Variants in HAT1 observed in about 807,000 individuals in gnomAD.
HAT1 encodes histone acetyltransferase type B catalytic subunit.
HAT1 carries 20 observed loss-of-function variants against 56.6 expected under a neutral mutation model. The observed-to-expected ratio is 0.35, with a 90% CI of 0.25 to 0.51. The LOEUF is 0.51. HAT1 is among the 20% of genes least tolerant of loss of function. The pLI is 0.95. For synonymous variants in HAT1, 146 were observed against 165.5 expected (o/e 0.88, Z 0.91); for missense variants, 408 against 504.3 (o/e 0.81, Z 1.83).
intron 2 of HAT1, among the ~76,000 whole-genome samples, chr2:171,944,810 T>C (rs761974597): frequency 7.2e-5 from 11 of 152,214 alleles, no homozygotes; most frequent in Non-Finnish European, 1.6e-4. Flanking sequence ...TGGTGATACT[T>C]TGGCATGCAG....
intron 2 of HAT1, among the ~76,000 whole-genome samples, chr2:171,940,448 T>C (rs1263257909): frequency 6.6e-6 from 1 of 152,158 alleles, no homozygotes; most frequent in African/African-American, 2.4e-5. Flanking sequence ...CGCGCCACCT[T>C]TTGAATTCGA....
chr2:171,946,161 G>A lies in HAT1; in HGVS notation c.113-547G>A, dbSNP rs1687157932. On this transcript the variant is annotated intron_variant, in intron 2 of 10. Coordinates refer to ENST00000264108, the MANE Select transcript of HAT1 (RefSeq NM_003642.4). Reference sequence around the variant, plus strand: ...CTCTCCCCCTAGTTTTCTGCTGCCAGGAATTTCCCCTGTGTATACTTATAA... The same window carrying A: ...CTCTCCCCCTAGTTTTCTGCTGCCAAGAATTTCCCCTGTGTATACTTATAA... Among the ~76,000 whole-genome samples, 3 of 152,140 alleles carry A rather than the reference G, an allele frequency of 2.0e-5. 1 individual carries two copies. The highest frequency in any genetic ancestry group is 1.3e-4 in the Admixed American group (2 of 15,270).
chr2:171,922,811 G>T, intron 1 of HAT1: 2 of 367,570 alleles, frequency 5.4e-6, no homozygotes, highest in Non-Finnish European at 9.7e-6. Flanking sequence ...ATGCCTTGGG[G>T]CCTGTTTCTC....
chr2:171,961,230 A>G (rs1687566795), intron 4 of HAT1, among the ~76,000 whole-genome samples: 1 of 152,158 alleles, frequency 6.6e-6, no homozygotes, highest in Admixed American at 6.6e-5. Context: ...TCTTGAGCCC[A>G]GGAGGTCAAG....
At chr2:171,929,239 T>C (rs1429957977) in intron 2 of HAT1, among the ~76,000 whole-genome samples, 1 of 152,226 alleles carries the variant, frequency 6.6e-6, no homozygotes, top group Non-Finnish European at 1.5e-5. Context: ...AGGATTGTTT[T>C]TTTAATGTGG....
intron 8 of HAT1, among the ~76,000 whole-genome samples, chr2:171,972,121 C>G (rs1217277748): frequency 6.6e-6 from 1 of 152,158 alleles, no homozygotes; most frequent in Non-Finnish European, 1.5e-5. Flanking sequence ...AGGCCCCCGA[C>G]CAGAATCCTG....
intron 2 of HAT1, among the ~76,000 whole-genome samples, chr2:171,943,257 C>G (rs1222048808): frequency 6.6e-6 from 1 of 150,696 alleles, no homozygotes; most frequent in Non-Finnish European, 1.5e-5. Context: ...CAAAAATTAG[C>G]TGGGCGCTAA....
chr2:171,959,045 AAAT>A (rs1687513720), intron 4 of HAT1, among the ~76,000 whole-genome samples: 1 of 152,220 alleles, frequency 6.6e-6, no homozygotes, highest in African/African-American at 2.4e-5. Flanking sequence ...CTTGCCAGAT[AAAT>A]AATATGTAAC....
At chr2:171,955,830 A>G (rs1310331810) in intron 4 of HAT1, among the ~76,000 whole-genome samples, 3 of 150,950 alleles carry the variant, frequency 2.0e-5, no homozygotes, top group Non-Finnish European at 4.4e-5. Context: ...GTGGATCACG[A>G]GGTCAGGAGT....
intron 2 of HAT1, among the ~76,000 whole-genome samples, chr2:171,944,388 C>T (rs1156871379): frequency 1.3e-5 from 2 of 152,028 alleles, no homozygotes; most frequent in Admixed American, 6.6e-5. Context: ...TCTGTATTTC[C>T]TGTGAATTGG....
intron 2 of HAT1, among the ~76,000 whole-genome samples, chr2:171,940,335 G>T (rs1300750613): frequency 6.6e-6 from 1 of 152,180 alleles, no homozygotes; most frequent in East Asian, 1.9e-4. Context: ...CGTCAACCTG[G>T]ATTGTGCACC....
intron 8 of HAT1, among the ~76,000 whole-genome samples, chr2:171,975,228 C>T (rs977218384): frequency 3.9e-5 from 6 of 151,944 alleles, no homozygotes; most frequent in Non-Finnish European, 7.4e-5. Context: ...CCTCAGCCTC[C>T]CAAGTAGCTG....
At chr2:171,943,465 A>G (rs1295567946) in intron 2 of HAT1, among the ~76,000 whole-genome samples, 1 of 146,756 alleles carries the variant, frequency 6.8e-6, no homozygotes, top group Non-Finnish European at 1.5e-5. Context: ...TGATCCCATC[A>G]CTCTGCTTTT....
At chr2:171,930,040 A>G (rs773022450) in intron 2 of HAT1, among the ~76,000 whole-genome samples, 2 of 152,242 alleles carry the variant, frequency 1.3e-5, no homozygotes, top group Non-Finnish European at 2.9e-5. Context: ...GCCTTCCAGT[A>G]TATGAACATG....
At chr2:171,966,633 G>A (rs1574060943) in intron 7 of HAT1, 120 bp downstream of exon 7, 3 of 658,862 alleles carry the variant, frequency 4.6e-6, no homozygotes, top group South Asian at 1.8e-5. Flanking sequence ...TTATTCATGG[G>A]CTATGTACTG....
intron 2 of HAT1, among the ~76,000 whole-genome samples, chr2:171,940,275 A>G (rs1349554970): frequency 6.6e-6 from 1 of 152,206 alleles, no homozygotes; most frequent in Non-Finnish European, 1.5e-5. Flanking sequence ...CCTGAAAAAT[A>G]TATTGCACAA....
In HAT1 at chr2:171,979,299, G is replaced by A. The variant is rs773593908; in HGVS notation, c.1028G>A (p.Ser343Asn). The change falls in exon 10 of 11, where the codon AGT (serine) becomes AAT (asparagine). Residue 343 changes from serine to asparagine, a missense_variant. Physicochemically the swap from Ser to Asn is conservative, Grantham distance 46. Coordinates refer to ENST00000264108, the MANE Select transcript of HAT1 (RefSeq NM_003642.4). ...EILRLLVTDM[S>N]DAEQYRSYRL... ...CTTCGACTACTGGTAACTGACATGA[G>A]TGATGCCGAACAATACAGAAGCTAC... is the stretch of plus-strand genomic sequence containing the variant. The A allele has an allele frequency of 5.0e-6, 8 of 1,607,994 alleles. No individual in the cohort carries two copies. The African/African-American group carries it at 6.7e-5, about 13-fold the overall frequency.
intron 4 of HAT1, among the ~76,000 whole-genome samples, chr2:171,960,448 G>T (rs886677136): frequency 3.9e-5 from 6 of 152,216 alleles, no homozygotes; most frequent in Non-Finnish European, 8.8e-5. Context: ...GGGCTTTGCA[G>T]ATCATACTGC....
chr2:171,946,927 T>C (rs557617221), intron 3 of HAT1, 144 bp downstream of exon 3: 135 of 548,268 alleles, frequency 2.5e-4, no homozygotes, highest in Middle Eastern at 2.4e-3. Context: ...ATGGTGTTTT[T>C]TTACATTGAG....
Sources: gnomAD v4.1 joint callset for allele counts (sites outside exome capture counted in the v4.1 genomes callset) on GRCh38, gnomAD v4.1.1 for gene constraint, MANE v1.5 for transcripts, NCBI Gene and HGNC (gene_info 2026-07-23, HGNC 2026-07-21) for gene names.